The following AKT3 variants were observed in gnomAD, a reference collection of about 807,000 sequenced individuals.
AKT3 encodes RAC-gamma serine/threonine-protein kinase.
AKT3 carries 15 observed loss-of-function variants against 65.3 expected under a neutral mutation model. The observed-to-expected ratio is 0.23, with a 90% CI of 0.15 to 0.35. AKT3 has a LOEUF of 0.35. AKT3 is among the 10% of genes least tolerant of loss of function. The pLI is 1.00. For synonymous variants in AKT3, 206 were observed against 183.8 expected (o/e 1.12, Z -0.98); for missense variants, 243 against 576.5 (o/e 0.42, Z 5.92).
chr1:243,723,735 G>A (rs1424697564), intron 2 of AKT3, among the ~76,000 whole-genome samples: 2 of 152,060 alleles, frequency 1.3e-5, no homozygotes, highest in African/African-American at 2.4e-5. Context: ...TGAGACTTGG[G>A]TAGAGATCCT....
intron 8 of AKT3, among the ~76,000 whole-genome samples, chr1:243,589,330 A>AG (rs1422722648): frequency 6.6e-6 from 1 of 151,404 alleles, no homozygotes; most frequent in Non-Finnish European, 1.5e-5. Flanking sequence ...AAAAAGAAAA[A>AG]AAAAGAAAAA....
chr1:243,732,546 A>G (rs182485575), intron 2 of AKT3, among the ~76,000 whole-genome samples: 31 of 152,356 alleles, frequency 2.0e-4, no homozygotes, highest in African/African-American at 6.5e-4. Context: ...GGTTCATTTA[A>G]AAGAACAGGA....
chr1:243,746,898 G>T (rs1279183507), intron 2 of AKT3, among the ~76,000 whole-genome samples: 2 of 151,936 alleles, frequency 1.3e-5, no homozygotes, highest in Non-Finnish European at 2.9e-5. Context: ...ACATGAACAT[G>T]GGGGGTGGGG....
intron 2 of AKT3, among the ~76,000 whole-genome samples, chr1:243,796,526 G>A (rs907633623): frequency 2.6e-5 from 4 of 152,108 alleles, no homozygotes; most frequent in Non-Finnish European, 4.4e-5. Context: ...GTCTTTCAAA[G>A]CCTAAAATAA....
At chr1:243,545,618 TTAAG>T (rs894406349) in intron 11 of AKT3, 21 bp from the exon 12 acceptor site, 3 of 1,533,518 alleles carry the variant, frequency 2.0e-6, no homozygotes, top group African/African-American at 1.4e-5. Flanking sequence ...AGAAATAAAA[TTAAG>T]TAAGTATAAA....
chr1:243,742,094 T>C (rs1019041737), intron 2 of AKT3, among the ~76,000 whole-genome samples: 5 of 119,170 alleles, frequency 4.2e-5, no homozygotes, highest in Non-Finnish European at 7.4e-5. Flanking sequence ...AAAATAACAA[T>C]AGAACAATAT....
At position 243,705,739 on chromosome 1, in the gene AKT3, G is replaced by A. The variant is rs1023504476; in HGVS notation, c.47-10023C>T. On this transcript the variant is annotated intron_variant, in intron 2 of 13. Transcript: ENST00000673466. ...GTGACTTTAGTTTACATAGCAGTAG[G>A]TATGTTGTGGAGAATTACTCAATCT... Among the ~76,000 whole-genome samples the A allele has an allele frequency of 5.9e-5, 9 of 152,054 alleles. 1 individual carries two copies. The highest frequency in any genetic ancestry group is 5.2e-4 in the Admixed American group (8 of 15,260).
intron 4 of AKT3, among the ~76,000 whole-genome samples, chr1:243,657,435 A>G (rs774757657): frequency 1.3e-5 from 2 of 152,230 alleles, no homozygotes; most frequent in African/African-American, 2.4e-5. Flanking sequence ...AATAAACTTA[A>G]CCAAGAAGGT....
At chr1:243,656,998 C>T (rs933121376) in intron 4 of AKT3, among the ~76,000 whole-genome samples, 1 of 152,076 alleles carries the variant, frequency 6.6e-6, no homozygotes, top group Admixed American at 6.6e-5. Context: ...AGAAATAATA[C>T]ATAAAACTAT....
chr1:243,727,226 A>C (rs1687264618), intron 2 of AKT3, among the ~76,000 whole-genome samples: 1 of 152,222 alleles, frequency 6.6e-6, no homozygotes, highest in African/African-American at 2.4e-5. Context: ...GGGCAGACAA[A>C]AGACAACATT....
chr1:243,850,481 C>T (rs576993378), upstream of AKT3, among the ~76,000 whole-genome samples: 2 of 151,242 alleles, frequency 1.3e-5, no homozygotes, highest in African/African-American at 4.8e-5. Flanking sequence ...GGGGCGCGCC[C>T]GGCGCGGGGA....
chr1:243,842,364 G>C (rs1169496946), intron 2 of AKT3, among the ~76,000 whole-genome samples: 2 of 152,054 alleles, frequency 1.3e-5, no homozygotes, highest in African/African-American at 4.8e-5. Flanking sequence ...TGGCCATGTG[G>C]GTAAACAGTA....
chr1:243,514,869 A>G (rs958849887), intron 12 of AKT3, among the ~76,000 whole-genome samples: 1 of 152,186 alleles, frequency 6.6e-6, no homozygotes, highest in Non-Finnish European at 1.5e-5. Context: ...ACGTTTTGAC[A>G]TATGTATATA....
chr1:243,495,921 G>A (rs1667739650), downstream of AKT3, among the ~76,000 whole-genome samples: 1 of 152,150 alleles, frequency 6.6e-6, no homozygotes, highest in Non-Finnish European at 1.5e-5. Context: ...TGGACTTTGA[G>A]GTCAAACTGC....
chr1:243,654,108 A>AATTAGCCTGGTAGCCATC (rs1464687972), intron 4 of AKT3, among the ~76,000 whole-genome samples: 1 of 152,026 alleles, frequency 6.6e-6, no homozygotes, highest in East Asian at 1.9e-4. Context: ...TTTCTCCTCC[A>AATTAGCCTGGTAGCCATC]ATTAGCCTGG....
At chr1:243,832,843 A>C (rs1694626075) in intron 2 of AKT3, among the ~76,000 whole-genome samples, 1 of 152,188 alleles carries the variant, frequency 6.6e-6, no homozygotes, top group Non-Finnish European at 1.5e-5. Context: ...AACATATCTA[A>C]ACATAGAAAA....
chr1:243,736,028 A>G (rs1038892550), intron 2 of AKT3, among the ~76,000 whole-genome samples: 3 of 152,228 alleles, frequency 2.0e-5, no homozygotes, highest in South Asian at 2.1e-4. Flanking sequence ...CATCTGCCAC[A>G]TACTTTTTTT....
intron 2 of AKT3, among the ~76,000 whole-genome samples, chr1:243,791,551 T>C (rs1691632606): frequency 6.6e-6 from 1 of 152,212 alleles, no homozygotes; most frequent in Non-Finnish European, 1.5e-5. Flanking sequence ...ACTGTAAATA[T>C]ATGACACTAA....
chr1:243,499,692 T>C (rs1210426667), downstream of AKT3: 1 of 1,308,304 alleles, frequency 7.6e-7, no homozygotes, highest in East Asian at 2.3e-5. Flanking sequence ...AACCAGCAAA[T>C]GAGAAGACAA....
Sources: gnomAD v4.1 joint callset for allele counts (sites outside exome capture counted in the v4.1 genomes callset) on GRCh38, gnomAD v4.1.1 for gene constraint, MANE v1.5 for transcripts, NCBI Gene and HGNC (gene_info 2026-07-23, HGNC 2026-07-21) for gene names.